GFRA2: variants seen among roughly 807,000 people sequenced by gnomAD.
GFRA2 encodes the protein GDNF family receptor alpha 2, also known as GDNF family receptor alpha-2.
GFRA2 carries 17 observed loss-of-function variants against 48.3 expected under a neutral mutation model. The ratio of observed to expected loss-of-function variants is 0.35; its 90% confidence interval spans 0.24 to 0.53. The LOEUF is 0.53. Among genes scored for constraint, GFRA2 ranks in the 20% least tolerant of loss-of-function variants. The probability of loss-of-function intolerance (pLI) is 0.93; values close to 1 mark genes in which losing one functional copy is unlikely to be tolerated. For synonymous variants in GFRA2, 305 were observed against 257.2 expected (o/e 1.19, Z -1.78); for missense variants, 660 against 637.3 (o/e 1.04, Z -0.38).
chr8:21,788,685 G>A lies in GFRA2; in HGVS notation c.-526C>T, dbSNP rs1183125442. The A allele has an allele frequency of 1.0e-6, 1 of 985,720 alleles. No individual in the cohort carries two copies. Among genetic ancestry groups the A allele is most frequent in the Non-Finnish European group, 1.2e-6 (1 of 830,098 alleles). 61.1% of individuals were successfully genotyped at this position (985,720 alleles called of 1,614,324 possible). Reference sequence around the variant, plus strand: ...GTCGGAGCTTCGAGGACGAGAGACTGGAGTCGCTTCTTTCGCACCAAGACG... The same window carrying A: ...GTCGGAGCTTCGAGGACGAGAGACTAGAGTCGCTTCTTTCGCACCAAGACG... On this transcript the variant is annotated 5_prime_UTR_variant, in exon 1 of 9. Transcript: ENST00000524240.
At chr8:21,753,237 T>C (rs1376930728) in intron 3 of GFRA2, among the ~76,000 whole-genome samples, 1 of 152,264 alleles carries the variant, frequency 6.6e-6, no homozygotes, top group African/African-American at 2.4e-5. Context: ...CTGCTGAACC[T>C]GAAATGTGGC....
At chr8:21,770,342 G>A (rs1806383515) in intron 3 of GFRA2, among the ~76,000 whole-genome samples, 1 of 152,358 alleles carries the variant, frequency 6.6e-6, no homozygotes. Flanking sequence ...CCAGGCTCAG[G>A]CCAAGCACTC....
At chr8:21,694,836 T>C (rs777454083) in intron 7 of GFRA2, among the ~76,000 whole-genome samples, 3 of 152,214 alleles carry the variant, frequency 2.0e-5, no homozygotes, top group Non-Finnish European at 2.9e-5. Flanking sequence ...GCAGGGACCA[T>C]GTCTTCTTTT....
intron 4 of GFRA2, among the ~76,000 whole-genome samples, chr8:21,721,102 C>G (rs1474857513): frequency 6.6e-6 from 1 of 152,054 alleles, no homozygotes; most frequent in Non-Finnish European, 1.5e-5. Flanking sequence ...TTTCTCTAAG[C>G]AGCAGGAGAT....
At chr8:21,738,411 G>A (rs1374427418) in intron 4 of GFRA2, among the ~76,000 whole-genome samples, 1 of 151,382 alleles carries the variant, frequency 6.6e-6, no homozygotes, top group Non-Finnish European at 1.5e-5. Context: ...TCCTATCTCA[G>A]ACTCCATCAC....
At chr8:21,694,262 G>C (rs1331722555) in intron 8 of GFRA2, among the ~76,000 whole-genome samples, 3 of 151,576 alleles carry the variant, frequency 2.0e-5, no homozygotes, top group African/African-American at 7.3e-5. Context: ...TCTCCCCAAG[G>C]AGAGAGCCAG....
At chr8:21,698,697 A>G (rs887033280) in intron 7 of GFRA2, among the ~76,000 whole-genome samples, 1 of 151,984 alleles carries the variant, frequency 6.6e-6, no homozygotes, top group African/African-American at 2.4e-5. Context: ...GACAATGCAG[A>G]CAGGGTGTGG....
intron 3 of GFRA2, among the ~76,000 whole-genome samples, chr8:21,765,183 C>T (rs1806096688): frequency 1.3e-5 from 2 of 152,054 alleles, no homozygotes; most frequent in Non-Finnish European, 2.9e-5. Flanking sequence ...ATGATCACAG[C>T]TCACTGCCAC....
chr8:21,714,290 C>T (rs866156258), intron 4 of GFRA2, among the ~76,000 whole-genome samples: 6 of 119,298 alleles, frequency 5.0e-5, no homozygotes, highest in African/African-American at 1.0e-4. Flanking sequence ...CTCACTCTGT[C>T]GCCAAGGCTG....
intron 4 of GFRA2, among the ~76,000 whole-genome samples, chr8:21,736,968 A>G (rs1428139376): frequency 1.3e-5 from 2 of 151,364 alleles, no homozygotes; most frequent in South Asian, 4.2e-4. Context: ...AGAGCACATC[A>G]TCTATTCCTT....
intron 4 of GFRA2, among the ~76,000 whole-genome samples, chr8:21,718,111 C>G (rs1803420653): frequency 6.6e-6 from 1 of 152,150 alleles, no homozygotes; most frequent in South Asian, 2.1e-4. Context: ...GTGTCCCCAC[C>G]CAAATCTCAT....
intron 2 of GFRA2, among the ~76,000 whole-genome samples, chr8:21,800,117 A>C (rs369292717): frequency 1.3e-5 from 2 of 152,248 alleles, no homozygotes; most frequent in African/African-American, 4.8e-5. Context: ...TCCTAAGGGA[A>C]GTGATCATCT....
intron 4 of GFRA2, among the ~76,000 whole-genome samples, chr8:21,719,394 C>T (rs994094538): frequency 7.2e-5 from 11 of 152,186 alleles, no homozygotes; most frequent in African/African-American, 2.4e-4. Flanking sequence ...CTTCTCTCCA[C>T]TTCTCTCCCC....
intron 1 of GFRA2, among the ~76,000 whole-genome samples, chr8:21,787,768 A>T (rs1016481915): frequency 1.2e-4 from 18 of 151,676 alleles, no homozygotes; most frequent in Admixed American, 3.9e-4. Context: ...AGAGTTGGAT[A>T]TTTTTTTTTC....
chr8:21,790,926 G>A (rs111961617), upstream of GFRA2, among the ~76,000 whole-genome samples: 680 of 152,272 alleles, frequency 4.5e-3, 4 homozygotes, highest in African/African-American at 0.015. Context: ...TGGCCTGGAG[G>A]CCCGAGGCTG....
At chr8:21,721,007 TGGAGGGGAGGGGAGGGGAAG>T (rs1381983081) in intron 4 of GFRA2, among the ~76,000 whole-genome samples, 1 of 49,840 alleles carries the variant, frequency 2.0e-5, no homozygotes, top group Non-Finnish European at 4.1e-5. Context: ...AAAAAAAAAA[TGGAGGGGAGGGGAGGGGAAG>T]GGAAGGGAGG....
At chr8:21,799,894 T>A (rs1807742053) in intron 2 of GFRA2, among the ~76,000 whole-genome samples, 2 of 152,200 alleles carry the variant, frequency 1.3e-5, no homozygotes, top group Non-Finnish European at 1.5e-5. Flanking sequence ...CAAGAGCTGG[T>A]GGCTTCTAAA....
At chr8:21,769,610 T>C (rs1159786228) in intron 3 of GFRA2, among the ~76,000 whole-genome samples, 5 of 152,040 alleles carry the variant, frequency 3.3e-5, no homozygotes, top group African/African-American at 1.2e-4. Flanking sequence ...AAGTTCACAT[T>C]CCAGCCGTGA....
chr8:21,777,958 A>T (rs1585331576), intron 2 of GFRA2, among the ~76,000 whole-genome samples: 1 of 151,732 alleles, frequency 6.6e-6, no homozygotes, highest in South Asian at 2.1e-4. Flanking sequence ...TCACATTCCC[A>T]CCCCAGCCCT....
Sources: gnomAD v4.1 joint callset for allele counts (sites outside exome capture counted in the v4.1 genomes callset) on GRCh38, gnomAD v4.1.1 for gene constraint, MANE v1.5 for transcripts, NCBI Gene and HGNC (gene_info 2026-07-23, HGNC 2026-07-21) for gene names.